The following ROBO2 variants were observed in gnomAD, a reference collection of about 807,000 sequenced individuals.
ROBO2 encodes the protein roundabout guidance receptor 2, also known as roundabout homolog 2.
ROBO2 carries 53 observed loss-of-function variants against 160.8 expected under a neutral mutation model. The observed-to-expected ratio is 0.33, with a 90% confidence interval of 0.26 to 0.41. The LOEUF (loss-of-function observed/expected upper bound fraction) is 0.41. Among genes scored for constraint, ROBO2 ranks in the 10% least tolerant of loss-of-function variants. The probability of loss-of-function intolerance (pLI) is 1.00; values close to 1 mark genes in which losing one functional copy is unlikely to be tolerated. For synonymous variants in ROBO2, 664 were observed against 611.7 expected, an observed-to-expected ratio of 1.09 and a Z score of -1.26; for missense variants, 1,577 against 1,722.4, an observed-to-expected ratio of 0.92 and a Z score of 1.49.
At chr3:75,969,836 G>C (rs2064941629) in intron 2 of ROBO2, among the ~76,000 whole-genome samples, 1 of 151,394 alleles carries the variant, frequency 6.6e-6, no homozygotes, top group Non-Finnish European at 1.5e-5. Context: ...CACTCTGCAG[G>C]CTGCCTTTTC....
At chr3:76,527,622 A>G (rs1445343650) in intron 2 of ROBO2, among the ~76,000 whole-genome samples, 1 of 152,162 alleles carries the variant, frequency 6.6e-6, no homozygotes, top group Non-Finnish European at 1.5e-5. Flanking sequence ...TTTAGGCATT[A>G]AGAGAAAATA....
At chr3:75,944,324 C>T (rs1948187113) in intron 2 of ROBO2, among the ~76,000 whole-genome samples, 2 of 152,150 alleles carry the variant, frequency 1.3e-5, no homozygotes, top group African/African-American at 2.4e-5. Flanking sequence ...CTGGATGGCA[C>T]AGATCTTGGC....
intron 2 of ROBO2, among the ~76,000 whole-genome samples, chr3:76,941,878 C>T (rs1026073584): frequency 5.9e-5 from 9 of 152,108 alleles, no homozygotes; most frequent in African/African-American, 2.2e-4. Context: ...CTTAAAAATT[C>T]ATGTTTTTAA....
chr3:77,263,819 T>C (rs1043524730), intron 2 of ROBO2, among the ~76,000 whole-genome samples: 5 of 152,204 alleles, frequency 3.3e-5, no homozygotes, highest in African/African-American at 9.6e-5. Flanking sequence ...TTAGAATTTC[T>C]TAACTTTACT....
chr3:77,325,832 T>G (rs2065322312), intron 2 of ROBO2, among the ~76,000 whole-genome samples: 1 of 152,208 alleles, frequency 6.6e-6, no homozygotes, highest in Non-Finnish European at 1.5e-5. Context: ...AGTATTATTT[T>G]GATCCTCATT....
chr3:76,282,243 A>G (rs1372862191), intron 2 of ROBO2, among the ~76,000 whole-genome samples: 1 of 152,002 alleles, frequency 6.6e-6, no homozygotes, highest in African/African-American at 2.4e-5. Flanking sequence ...GTATTTTGTA[A>G]TAATAGGTAG....
At chr3:76,899,230 T>A (rs1015599790) in intron 2 of ROBO2, among the ~76,000 whole-genome samples, 1 of 151,970 alleles carries the variant, frequency 6.6e-6, no homozygotes, top group Admixed American at 6.6e-5. Context: ...CTGTTCACAA[T>A]TTTTTTTCAA....
chr3:77,584,538 A>C (rs2093994201), intron 16 of ROBO2, among the ~76,000 whole-genome samples: 2 of 152,302 alleles, frequency 1.3e-5, no homozygotes, highest in South Asian at 2.1e-4. Context: ...AATTCTTTCT[A>C]TTACAAATAA....
At chr3:75,932,992 CTT>C (rs1414922001) in intron 1 of ROBO2, among the ~76,000 whole-genome samples, 1 of 152,034 alleles carries the variant, frequency 6.6e-6, no homozygotes, top group Non-Finnish European at 1.5e-5. Context: ...TTACACAAGA[CTT>C]TGGACATCAC....
intron 2 of ROBO2, among the ~76,000 whole-genome samples, chr3:77,302,487 A>G (rs1205109952): frequency 6.6e-6 from 1 of 152,112 alleles, no homozygotes; most frequent in Non-Finnish European, 1.5e-5. Flanking sequence ...ATACTAGCTC[A>G]GCAAATAAGA....
intron 2 of ROBO2, among the ~76,000 whole-genome samples, chr3:77,166,869 T>C (rs913728388): frequency 6.6e-6 from 1 of 151,674 alleles, no homozygotes; most frequent in Non-Finnish European, 1.5e-5. Context: ...GACACAGAGG[T>C]TTTTAAGCAG....
At chr3:77,146,737 G>A (rs1015500340) in intron 2 of ROBO2, among the ~76,000 whole-genome samples, 2 of 152,144 alleles carry the variant, frequency 1.3e-5, no homozygotes, top group African/African-American at 4.8e-5. Context: ...GGAGGCCGAG[G>A]AGGGCAGATC....
chr3:76,328,908 T>TTATA (rs201466987), intron 2 of ROBO2, among the ~76,000 whole-genome samples: 8,024 of 135,776 alleles, frequency 0.059, 484 homozygotes, highest in East Asian at 0.29. Flanking sequence ...ATTTATGTTA[T>TTATA]TATATATATA....
intron 2 of ROBO2, among the ~76,000 whole-genome samples, chr3:76,017,281 G>A (rs1447774902): frequency 1.3e-5 from 2 of 152,134 alleles, no homozygotes; most frequent in Non-Finnish European, 1.5e-5. Flanking sequence ...AGTACCCACT[G>A]GGGATCGGAG....
intron 2 of ROBO2, among the ~76,000 whole-genome samples, chr3:76,270,476 C>A (rs1480346186): frequency 6.6e-6 from 1 of 152,034 alleles, no homozygotes; most frequent in East Asian, 1.9e-4. Flanking sequence ...TACGATGTAG[C>A]AAGATTGCAT....
At chr3:76,118,239 T>C (rs73842994) in intron 2 of ROBO2, among the ~76,000 whole-genome samples, 2,430 of 152,194 alleles carry the variant, frequency 0.016, 67 homozygotes, top group African/African-American at 0.055. Context: ...CAGGCACAAA[T>C]TGAGAGAGGG....
At chr3:77,452,946 T>C (rs1278722851) in intron 2 of ROBO2, among the ~76,000 whole-genome samples, 1 of 152,158 alleles carries the variant, frequency 6.6e-6, no homozygotes, top group Non-Finnish European at 1.5e-5. Flanking sequence ...TTTCTCAGGG[T>C]TCTTGTCAGG....
intron 2 of ROBO2, among the ~76,000 whole-genome samples, chr3:76,583,141 T>C (rs1188016462): frequency 6.6e-6 from 1 of 152,114 alleles, no homozygotes; most frequent in Non-Finnish European, 1.5e-5. Context: ...AAAACATGAA[T>C]ACCTTATGCA....
intron 2 of ROBO2, among the ~76,000 whole-genome samples, chr3:77,441,738 GA>G (rs952705168): frequency 2.0e-5 from 3 of 151,982 alleles, no homozygotes; most frequent in African/African-American, 7.3e-5. Context: ...ACCTCTCCTA[GA>G]AAAAAACCTG....
Sources: gnomAD v4.1 joint callset for allele counts (sites outside exome capture counted in the v4.1 genomes callset) on GRCh38, gnomAD v4.1.1 for gene constraint, MANE v1.5 for transcripts, NCBI Gene and HGNC (gene_info 2026-07-23, HGNC 2026-07-21) for gene names.